ATP6V1H: variants seen among roughly 807,000 people sequenced by gnomAD.
ATP6V1H encodes ATPase H+ transporting V1 subunit H, also known as V-type proton ATPase subunit H.
A neutral mutation model predicts 71.7 loss-of-function variants in ATP6V1H; 39 were observed. That is an observed-to-expected ratio of 0.54 (90% CI 0.42 to 0.71). ATP6V1H has a LOEUF of 0.71. Ranked by LOEUF, ATP6V1H falls within the 30% of genes least tolerant of loss-of-function variation. The probability of loss-of-function intolerance (pLI) is 0.00; values close to 1 mark genes in which losing one functional copy is unlikely to be tolerated. For missense variants in ATP6V1H, 509 were observed against 594.9 expected (o/e 0.86, Z 1.50); for synonymous variants, 192 against 199.3 (o/e 0.96, Z 0.31).
intron 2 of ATP6V1H, among the ~76,000 whole-genome samples, chr8:53,833,811 G>C (rs1273187245): frequency 6.6e-6 from 1 of 152,016 alleles, no homozygotes; most frequent in African/African-American, 2.4e-5. Flanking sequence ...TCCAGAGATA[G>C]TCTTACCATT....
intron 9 of ATP6V1H, among the ~76,000 whole-genome samples, chr8:53,784,416 T>A (rs1223988664): frequency 6.6e-6 from 1 of 152,182 alleles, no homozygotes; most frequent in Non-Finnish European, 1.5e-5. Context: ...CCCTTTATTT[T>A]GAGCCTATGT....
chr8:53,800,612 T>C (rs1245686696), intron 8 of ATP6V1H, among the ~76,000 whole-genome samples: 3 of 152,208 alleles, frequency 2.0e-5, no homozygotes, highest in African/African-American at 4.8e-5. Flanking sequence ...AAATATAGTA[T>C]TCTCAACTAG....
intron 9 of ATP6V1H, among the ~76,000 whole-genome samples, chr8:53,781,595 T>C (rs1809137500): frequency 6.6e-6 from 1 of 152,222 alleles, no homozygotes; most frequent in Non-Finnish European, 1.5e-5. Flanking sequence ...TTTTGGTGTT[T>C]TAGACATGAA....
At position 53,755,713 on chromosome 8, in the gene ATP6V1H, T is replaced by A. The variant is rs1326559635; in HGVS notation, c.1277+842A>T. On this transcript the variant is annotated intron_variant, in intron 12 of 13. Transcript: ENST00000359530. Reference sequence around the variant, plus strand: ...ATATATATATATATATATATATATATATATATATATATATATATATATATA... The same window carrying A: ...ATATATATATATATATATATATATAAATATATATATATATATATATATATA... Among the ~76,000 whole-genome samples, 17 of 6,102 alleles carry A rather than the reference T, an allele frequency of 2.8e-3. 2 individuals are homozygous for A. The East Asian group carries it at 0.057, about 20-fold the overall frequency. The allele number at this position is 6,102 out of a possible 152,430, so 4.0% of individuals were successfully genotyped here.
chr8:53,827,110 G>A (rs1029933811), intron 4 of ATP6V1H, among the ~76,000 whole-genome samples: 2 of 149,878 alleles, frequency 1.3e-5, no homozygotes, highest in African/African-American at 4.9e-5. Flanking sequence ...GGCTGGGCAT[G>A]GTGGCTCACT....
chr8:53,833,234 A>C, intron 2 of ATP6V1H, 148 bp from the exon 3 acceptor site: 1 of 586,288 alleles, frequency 1.7e-6, no homozygotes, highest in Non-Finnish European at 3.0e-6. Context: ...CCTGGATTCA[A>C]TGCTTAGTTT....
At chr8:53,785,837 T>C (rs1020182170) in intron 9 of ATP6V1H, among the ~76,000 whole-genome samples, 5 of 152,162 alleles carry the variant, frequency 3.3e-5, no homozygotes, top group Admixed American at 3.3e-4. Flanking sequence ...TCAGCAGCGG[T>C]GGCTGCAGAA....
chr8:53,748,852 A>G (rs1807697841), intron 12 of ATP6V1H, among the ~76,000 whole-genome samples: 1 of 152,242 alleles, frequency 6.6e-6, no homozygotes, highest in Non-Finnish European at 1.5e-5. Flanking sequence ...GAAAAATTAA[A>G]CCAGTTTGGT....
intron 9 of ATP6V1H, among the ~76,000 whole-genome samples, chr8:53,791,477 C>T (rs1486471425): frequency 1.3e-5 from 2 of 152,228 alleles, no homozygotes; most frequent in African/African-American, 4.8e-5. Context: ...AGGATTGCAT[C>T]TTCAAGAGCC....
Position 53,795,657 on chromosome 8 carries a change from G to C in ATP6V1H, c.860C>G (p.Ala287Gly). ...ACATAAAACACTTACACGAAATGCT[G>C]CAAGAATGATTCTTGTTACTTTCTC... is the stretch of plus-strand genomic sequence containing the variant. ...VKEKVTRIIL[A>G]AFRNFLEKST... Residue 287 changes from alanine (A) to glycine (G), a missense_variant, in exon 9 of 14, where the codon GCA becomes GGA. Ala to Gly is a moderately conservative substitution (Grantham distance 60). Around this residue, in one of 2 missense-constraint regions of ATP6V1H, gnomAD observed 212 missense variants for 291.6 expected, o/e 0.73. Coordinates refer to ENST00000359530, the MANE Select transcript of ATP6V1H (RefSeq NM_015941.4). 1 of 1,613,138 alleles carries C rather than the reference G, an allele frequency of 6.2e-7. No homozygotes were observed. Among genetic ancestry groups the C allele is most frequent in the Non-Finnish European group, 8.5e-7 (1 of 1,179,638 alleles).
In ATP6V1H at chr8:53,826,609, CAT is replaced by C. The variant is rs541686194; in HGVS notation, c.306+2833_306+2834del. ...TAAGAGGGGGAAATAAAAAAATATA[CAT>C]GTGTCTGCCTGTCTATGTTCACAGA... On this transcript the variant is annotated intron_variant, in intron 4 of 13. Coordinates refer to ENST00000359530, the MANE Select transcript of ATP6V1H (RefSeq NM_015941.4). Among the ~76,000 whole-genome samples, 342 of 151,962 alleles carry C rather than the reference CAT, an allele frequency of 2.3e-3. 2 individuals are homozygous for C. The highest frequency in any genetic ancestry group is 7.8e-3 in the African/African-American group (325 of 41,434).
In ATP6V1H at chr8:53,814,730, T is replaced by C. The variant is rs1563479059; in HGVS notation, c.457A>G (p.Lys153Glu). The C allele has an allele frequency of 1.2e-6, 2 of 1,613,116 alleles. No individual in the cohort carries two copies. Among genetic ancestry groups the C allele is most frequent in the East Asian group, 2.2e-5 (1 of 44,766 alleles). ...AAGTCACTGCCTTCCATCAGTTCTT[T>C]TCCCCAAGCTGCTAACTTGGCAATA... The part of the protein sequence containing the change: ...RIIAKLAAWG[K>E]ELMEGSDLNY... The change falls in exon 6 of 14, where the codon AAA becomes GAA. Residue 153 changes from lysine (K) to glutamate (E), a missense_variant. Transcript: ENST00000359530.
chr8:53,756,793 T>A, intron 11 of ATP6V1H, 137 bp from the exon 12 acceptor site: 1 of 562,274 alleles, frequency 1.8e-6, no homozygotes, highest in Non-Finnish European at 3.0e-6. Flanking sequence ...GATTTCACTA[T>A]TAGACATAAG....
In ATP6V1H at chr8:53,833,192, G is replaced by A. The variant is rs541663814; in HGVS notation, c.114-106C>T. The A allele has an allele frequency of 5.5e-5, 44 of 803,642 alleles. No homozygotes were observed. The South Asian group carries it at 6.4e-4, about 12-fold the overall frequency. The allele number at this position is 803,642 out of a possible 1,614,324, so 49.8% of individuals were successfully genotyped here. On this transcript the variant is annotated intron_variant, in intron 2 of 13. Transcript: ENST00000359530. ...TTCTCTCCTTGGCAGCAAACCACAA[G>A]GGCTGACGCAAGGGCCCTGGCATCA...
intron 13 of ATP6V1H, among the ~76,000 whole-genome samples, chr8:53,728,897 CTTG>C (rs1806915703): frequency 6.6e-6 from 1 of 152,240 alleles, no homozygotes; most frequent in Non-Finnish European, 1.5e-5. Context: ...ATTTTCTGTA[CTTG>C]TTGGTCCTCC....
chr8:53,720,943 G>A (rs1806589853), intron 13 of ATP6V1H, among the ~76,000 whole-genome samples: 2 of 152,098 alleles, frequency 1.3e-5, no homozygotes, highest in Admixed American at 6.5e-5. Flanking sequence ...CTGTGGGTTT[G>A]TCATAACGAT....
intron 6 of ATP6V1H, among the ~76,000 whole-genome samples, chr8:53,812,876 G>A (rs181210161): frequency 1.3e-3 from 195 of 152,114 alleles, no homozygotes; most frequent in Non-Finnish European, 2.1e-3. Flanking sequence ...TCTATTTTTC[G>A]TAAAGACGGG....
intron 4 of ATP6V1H, 34 bp downstream of exon 4, chr8:53,829,410 G>A: frequency 6.9e-7 from 1 of 1,454,170 alleles, no homozygotes; most frequent in Non-Finnish European, 9.6e-7. Flanking sequence ...AAAAAATGAA[G>A]TCACCAAATG....
At chr8:53,775,281 T>C (rs1808828238) in intron 9 of ATP6V1H, among the ~76,000 whole-genome samples, 1 of 152,078 alleles carries the variant, frequency 6.6e-6, no homozygotes, top group South Asian at 2.1e-4. Flanking sequence ...ATAAAACCAG[T>C]GTGGACCCAA....
Sources: allele counts gnomAD v4.1 joint callset (sites outside exome capture counted in the v4.1 genomes callset), GRCh38; gene constraint gnomAD v4.1.1; regional missense constraint gnomAD v4.1.1; transcripts MANE v1.5; gene names NCBI Gene and HGNC (gene_info 2026-07-23, HGNC 2026-07-21).